The following RBFOX1 variants were observed in gnomAD, a reference collection of about 807,000 sequenced individuals.
RBFOX1 encodes the protein RNA binding fox-1 homolog 1.
RBFOX1 carries 8 observed loss-of-function variants against 57.7 expected under a neutral mutation model. That is an observed-to-expected ratio of 0.14 (90% confidence interval 0.08 to 0.25). RBFOX1 has a LOEUF of 0.25. Ranked by LOEUF, RBFOX1 falls within the 10% of genes least tolerant of loss-of-function variation. The pLI is 1.00. For missense variants in RBFOX1, 611 were observed against 548.5 expected (o/e 1.11, Z -1.14); for synonymous variants, 326 against 222.4 (o/e 1.47, Z -4.15).
chr16:6,495,824 C>A (rs1404798736), intron 2 of RBFOX1, among the ~76,000 whole-genome samples: 1 of 152,208 alleles, frequency 6.6e-6, no homozygotes, highest in Non-Finnish European at 1.5e-5. Flanking sequence ...TTCTTCCCAC[C>A]TATTGAAGAC....
intron 2 of RBFOX1, among the ~76,000 whole-genome samples, chr16:6,512,297 A>AAAAAAAAAAAAAAAAAAAAAAAAC (rs1353631240): frequency 6.7e-6 from 1 of 148,846 alleles, no homozygotes; most frequent in African/African-American, 2.5e-5. Context: ...AAAAAAAAAA[A>AAAAAAAAAAAAAAAAAAAAAAAAC]AAGGTAAGAG....
In RBFOX1 at chr16:6,142,370, C is replaced by T. The variant is rs942679855; in HGVS notation, c.-127+122378C>T. ...CCGAGTAGCTGGGACTACAGGCGCC[C>T]GCCTCCGCACGTGGCTAATTTTTTG... On this transcript the variant is annotated intron_variant, in intron 1 of 15. Coordinates refer to ENST00000550418, the MANE Select transcript of RBFOX1 (RefSeq NM_018723.4). Among the ~76,000 whole-genome samples, 24 of 151,614 alleles carry T rather than the reference C, an allele frequency of 1.6e-4. No individual in the cohort carries two copies. In the East Asian group the frequency reaches 1.8e-3, roughly 11 times the overall value.
At chr16:7,190,125 C>T (rs2085006330) in intron 4 of RBFOX1, among the ~76,000 whole-genome samples, 2 of 152,112 alleles carry the variant, frequency 1.3e-5, no homozygotes. Context: ...CTTTGGGAGG[C>T]CAAGGCGGGC....
At chr16:7,320,300 C>T (rs975343761) in intron 4 of RBFOX1, among the ~76,000 whole-genome samples, 1 of 152,118 alleles carries the variant, frequency 6.6e-6, no homozygotes. Context: ...CATTGTTCAG[C>T]TCCCACTTGT....
intron 2 of RBFOX1, among the ~76,000 whole-genome samples, chr16:5,502,386 G>A (rs766798243): frequency 4.6e-5 from 7 of 152,150 alleles, no homozygotes; most frequent in Non-Finnish European, 8.8e-5. Context: ...GTGGGATGTG[G>A]AGAAGGCTCC....
At chr16:7,367,582 C>T (rs528074562) in intron 4 of RBFOX1, among the ~76,000 whole-genome samples, 2 of 152,188 alleles carry the variant, frequency 1.3e-5, no homozygotes, top group Non-Finnish European at 2.9e-5. Context: ...ATCTAATCAG[C>T]TCACAATAGT....
At chr16:5,554,495 A>G (rs1192256232) in intron 2 of RBFOX1, among the ~76,000 whole-genome samples, 6 of 152,170 alleles carry the variant, frequency 3.9e-5, no homozygotes, top group African/African-American at 1.4e-4. Context: ...ATAAAAATGT[A>G]TATTAACATT....
intron 3 of RBFOX1, among the ~76,000 whole-genome samples, chr16:6,778,043 A>C (rs1041546616): frequency 7.2e-5 from 11 of 152,152 alleles, no homozygotes; most frequent in Non-Finnish European, 7.4e-5. Flanking sequence ...GGTGTGGGAT[A>C]AATCTTGTCA....
intron 1 of RBFOX1, among the ~76,000 whole-genome samples, chr16:5,380,547 G>T (rs981602532): frequency 6.6e-6 from 1 of 152,178 alleles, no homozygotes; most frequent in African/African-American, 2.4e-5. Flanking sequence ...GCTGCGAATA[G>T]GACTTACCTT....
intron 1 of RBFOX1, among the ~76,000 whole-genome samples, chr16:6,103,557 T>C (rs1235817641): frequency 1.3e-5 from 2 of 152,072 alleles, no homozygotes; most frequent in Admixed American, 1.3e-4. Context: ...TGAACAAGTT[T>C]TCTAGATCAA....
At chr16:5,474,322 GTTAAAGC>G (rs1242393657) in intron 2 of RBFOX1, among the ~76,000 whole-genome samples, 2 of 152,154 alleles carry the variant, frequency 1.3e-5, no homozygotes, top group Non-Finnish European at 2.9e-5. Flanking sequence ...AGGGGACTTC[GTTAAAGC>G]TTAACTTGTT....
intron 11 of RBFOX1, among the ~76,000 whole-genome samples, chr16:7,633,027 A>G (rs574935460): frequency 6.6e-6 from 1 of 152,336 alleles, no homozygotes; most frequent in East Asian, 1.9e-4. Flanking sequence ...GCATAGAGAG[A>G]AAATGAAACC....
intron 3 of RBFOX1, among the ~76,000 whole-genome samples, chr16:6,935,307 C>A (rs1328650344): frequency 6.6e-6 from 1 of 152,062 alleles, no homozygotes; most frequent in South Asian, 2.1e-4. Flanking sequence ...GACGATCTCT[C>A]CAAGTCTTTG....
At chr16:5,922,317 G>C (rs181983106) in intron 4 of RBFOX1, among the ~76,000 whole-genome samples, 1 of 152,294 alleles carries the variant, frequency 6.6e-6, no homozygotes, top group East Asian at 1.9e-4. Flanking sequence ...TTTGACTTGA[G>C]AGCTGAGATG....
chr16:6,095,029 C>G (rs974449924), intron 1 of RBFOX1, among the ~76,000 whole-genome samples: 1 of 152,136 alleles, frequency 6.6e-6, no homozygotes, highest in African/African-American at 2.4e-5. Flanking sequence ...CACTGCACTC[C>G]AGCCTGGGCA....
At chr16:6,695,543 C>A (rs2060915745) in intron 3 of RBFOX1, among the ~76,000 whole-genome samples, 1 of 151,844 alleles carries the variant, frequency 6.6e-6, no homozygotes, top group Non-Finnish European at 1.5e-5. Context: ...CCTTAAGTGG[C>A]CGACGCGCCT....
chr16:6,764,879 G>T (rs543274810), intron 3 of RBFOX1, among the ~76,000 whole-genome samples: 1 of 152,276 alleles, frequency 6.6e-6, no homozygotes, highest in East Asian at 1.9e-4. Context: ...GAAGGTTGCA[G>T]TGAGCCGAGA....
chr16:5,244,559 C>T (rs185866014), intron 1 of RBFOX1, among the ~76,000 whole-genome samples: 1 of 152,354 alleles, frequency 6.6e-6, no homozygotes, highest in East Asian at 1.9e-4. Flanking sequence ...CACAGCTGGA[C>T]TACAGAGGCT....
intron 1 of RBFOX1, among the ~76,000 whole-genome samples, chr16:5,328,810 G>C (rs187235292): frequency 6.6e-6 from 1 of 152,158 alleles, no homozygotes; most frequent in African/African-American, 2.4e-5. Flanking sequence ...AATCAGCCAC[G>C]AGAATGTGAA....
Sources: gnomAD v4.1 joint callset for allele counts (sites outside exome capture counted in the v4.1 genomes callset) on GRCh38, gnomAD v4.1.1 for gene constraint, MANE v1.5 for transcripts, NCBI Gene and HGNC (gene_info 2026-07-23, HGNC 2026-07-21) for gene names.